ADTRP: variants seen among roughly 807,000 people sequenced by gnomAD.
The protein encoded by ADTRP is androgen dependent TFPI regulating protein.
A neutral mutation model predicts 27.0 loss-of-function variants in ADTRP; 20 were observed. That is an observed-to-expected ratio of 0.74 (90% CI 0.52 to 1.08). ADTRP has a LOEUF of 1.08. Among genes scored for constraint, ADTRP ranks in the 50% least tolerant of loss-of-function variants. The pLI is 0.00. For synonymous variants in ADTRP, 101 were observed against 105.2 expected, an observed-to-expected ratio of 0.96 and a Z score of 0.25; for missense variants, 251 against 275.0, an observed-to-expected ratio of 0.91 and a Z score of 0.62.
At chr6:11,731,044 G>A (rs73725706) in intron 4 of ADTRP, among the ~76,000 whole-genome samples, 7,178 of 152,272 alleles carry the variant, frequency 0.047, 573 homozygotes, top group African/African-American at 0.16. Context: ...TTACAGTTTT[G>A]CTATCTGTGT....
At chr6:11,717,477 A>G in intron 5 of ADTRP, 1 of 1,268,492 alleles carries the variant, frequency 7.9e-7, no homozygotes. Flanking sequence ...ATATATAATT[A>G]TATGCCTTAT....
At chr6:11,737,915 GTCT>G (rs1762599410) in intron 3 of ADTRP, among the ~76,000 whole-genome samples, 1 of 152,164 alleles carries the variant, frequency 6.6e-6, no homozygotes, top group Non-Finnish European at 1.5e-5. Flanking sequence ...CAGCTTCTGT[GTCT>G]CTCCGTCTAA....
chr6:11,746,019 G>A (rs1236338257), intron 3 of ADTRP, among the ~76,000 whole-genome samples: 1 of 152,166 alleles, frequency 6.6e-6, no homozygotes, highest in African/African-American at 2.4e-5. Flanking sequence ...TCGAACTCCT[G>A]ACCTCAAGTG....
intron 5 of ADTRP, among the ~76,000 whole-genome samples, chr6:11,721,291 G>C (rs1443153239): frequency 1.3e-5 from 2 of 152,156 alleles, no homozygotes; most frequent in Non-Finnish European, 2.9e-5. Flanking sequence ...GGTGCCACTG[G>C]GGCACACATA....
intron 3 of ADTRP, among the ~76,000 whole-genome samples, chr6:11,762,783 T>C (rs1763433326): frequency 6.6e-6 from 1 of 152,250 alleles, no homozygotes; most frequent in South Asian, 2.1e-4. Context: ...AGGAGTTCTC[T>C]GATCTATTTC....
chr6:11,751,156 C>T (rs1009445354), intron 3 of ADTRP, among the ~76,000 whole-genome samples: 6 of 152,178 alleles, frequency 3.9e-5, no homozygotes, highest in African/African-American at 1.4e-4. Context: ...GCTCTGACTA[C>T]ATTATTAACT....
At chr6:11,725,679 G>C (rs1342321783) in intron 4 of ADTRP, among the ~76,000 whole-genome samples, 1 of 151,852 alleles carries the variant, frequency 6.6e-6, no homozygotes, top group African/African-American at 2.4e-5. Flanking sequence ...TCCACTTCTG[G>C]GTACACACCC....
chr6:11,778,481 C>T (rs973644449), intron 1 of ADTRP, 126 bp downstream of exon 1: 2 of 1,333,014 alleles, frequency 1.5e-6, no homozygotes, highest in East Asian at 2.4e-5. Flanking sequence ...CCAAAACTCA[C>T]AAAACGGTGA....
At chr6:11,732,299 G>A (rs145755763) in intron 4 of ADTRP, among the ~76,000 whole-genome samples, 27 of 152,254 alleles carry the variant, frequency 1.8e-4, no homozygotes, top group Middle Eastern at 3.4e-3. Flanking sequence ...ACTCATGTTC[G>A]TTTCTCACGC....
intron 3 of ADTRP, among the ~76,000 whole-genome samples, chr6:11,754,231 C>T (rs535373360): frequency 7.2e-5 from 11 of 152,226 alleles, no homozygotes; most frequent in South Asian, 4.1e-4. Flanking sequence ...TTCTTGTCCT[C>T]ATTTCTGCAC....
chr6:11,716,297 A>C (rs747453751), intron 5 of ADTRP, among the ~76,000 whole-genome samples: 1 of 152,078 alleles, frequency 6.6e-6, no homozygotes, highest in Non-Finnish European at 1.5e-5. Context: ...AGGACTGAAG[A>C]CTCCCTTCTC....
At chr6:11,738,920 A>C (rs925434214) in intron 3 of ADTRP, among the ~76,000 whole-genome samples, 2 of 152,200 alleles carry the variant, frequency 1.3e-5, no homozygotes, top group Non-Finnish European at 2.9e-5. Flanking sequence ...GAGCCTTCTA[A>C]ATATTGAGCG....
At chr6:11,757,054 C>A (rs1297799079) in intron 3 of ADTRP, among the ~76,000 whole-genome samples, 1 of 152,134 alleles carries the variant, frequency 6.6e-6, no homozygotes, top group Non-Finnish European at 1.5e-5. Context: ...TTAACAGAAC[C>A]AAAATGGGCA....
intron 3 of ADTRP, among the ~76,000 whole-genome samples, chr6:11,759,297 G>C (rs956222446): frequency 6.6e-6 from 1 of 152,128 alleles, no homozygotes; most frequent in African/African-American, 2.4e-5. Context: ...TCAATATTTG[G>C]GAATGTGCTG....
intron 2 of ADTRP, chr6:11,767,884 A>G (rs946862543): frequency 1.3e-4 from 24 of 184,152 alleles, no homozygotes; most frequent in South Asian, 5.2e-4. Flanking sequence ...AACAAGATGT[A>G]TAAAAGGGGA....
chr6:11,762,414 A>AAATATCAAT (rs1242169025), intron 3 of ADTRP, among the ~76,000 whole-genome samples: 1 of 152,270 alleles, frequency 6.6e-6, no homozygotes, highest in Admixed American at 6.5e-5. Flanking sequence ...AACCCTCAAT[A>AAATATCAAT]AATATCAATC....
At chr6:11,770,595 G>C (rs1438418008) in intron 1 of ADTRP, among the ~76,000 whole-genome samples, 1 of 152,152 alleles carries the variant, frequency 6.6e-6, no homozygotes, top group Non-Finnish European at 1.5e-5. Flanking sequence ...CCCTGGGGTG[G>C]AGGAGCTTTC....
chr6:11,758,705 A>C (rs1311780892), intron 3 of ADTRP, among the ~76,000 whole-genome samples: 2 of 151,722 alleles, frequency 1.3e-5, no homozygotes, highest in Non-Finnish European at 2.9e-5. Flanking sequence ...GTACCCTAAA[A>C]CTTAAAGTAT....
intron 1 of ADTRP, among the ~76,000 whole-genome samples, chr6:11,771,537 G>A (rs913543685): frequency 3.9e-5 from 6 of 152,234 alleles, no homozygotes; most frequent in South Asian, 4.2e-4. Context: ...CCACCCGAAC[G>A]GTCTGCTTAT....
Sources: gnomAD v4.1 joint callset for allele counts (sites outside exome capture counted in the v4.1 genomes callset) on GRCh38, gnomAD v4.1.1 for gene constraint, MANE v1.5 for transcripts, NCBI Gene and HGNC (gene_info 2026-07-23, HGNC 2026-07-21) for gene names.